The following NTRK3 variants were observed in gnomAD, a reference collection of about 807,000 sequenced individuals.
NTRK3 encodes NT-3 growth factor receptor.
NTRK3 carries 24 observed loss-of-function variants against 91.7 expected under a neutral mutation model. The ratio of observed to expected loss-of-function variants is 0.26; its 90% CI spans 0.19 to 0.37. NTRK3 has a LOEUF of 0.37. Ranked by LOEUF, NTRK3 falls within the 10% of genes least tolerant of loss-of-function variation. The probability of loss-of-function intolerance (pLI) is 1.00; values close to 1 mark genes in which losing one functional copy is unlikely to be tolerated. For synonymous variants in NTRK3, 483 were observed against 404.0 expected, an observed-to-expected ratio of 1.20 and a Z score of -2.34; for missense variants, 880 against 1,068.9, an observed-to-expected ratio of 0.82 and a Z score of 2.46.
intron 13 of NTRK3, among the ~76,000 whole-genome samples, chr15:88,044,859 T>C (rs1340423624): frequency 2.6e-5 from 4 of 152,194 alleles, no homozygotes; most frequent in Non-Finnish European, 5.9e-5. Flanking sequence ...ACTTTCCCTT[T>C]TATTAGAAAA....
At chr15:87,925,684 A>T (rs1158650365) in intron 17 of NTRK3, 2 of 189,974 alleles carry the variant, frequency 1.1e-5, no homozygotes, top group African/African-American at 2.3e-5. Flanking sequence ...AAAGTTTTAC[A>T]CAAATCACCC....
chr15:87,972,768 A>T (rs919990492), intron 14 of NTRK3, among the ~76,000 whole-genome samples: 3 of 152,298 alleles, frequency 2.0e-5, no homozygotes, highest in Non-Finnish European at 4.4e-5. Context: ...CAGAGCCCTC[A>T]GCTAAGATTT....
intron 6 of NTRK3, among the ~76,000 whole-genome samples, chr15:88,146,321 G>A (rs1432715854): frequency 6.6e-6 from 1 of 152,164 alleles, no homozygotes; most frequent in Non-Finnish European, 1.5e-5. Context: ...GGGAAAACAA[G>A]TTGAAAGGCC....
intron 13 of NTRK3, among the ~76,000 whole-genome samples, chr15:88,112,070 C>T (rs915859017): frequency 2.0e-5 from 3 of 152,190 alleles, no homozygotes; most frequent in African/African-American, 7.2e-5. Flanking sequence ...CCACGCCCAG[C>T]TAATTTTTTG....
chr15:88,162,929 T>A (rs2044601938), intron 5 of NTRK3, among the ~76,000 whole-genome samples: 1 of 152,176 alleles, frequency 6.6e-6, no homozygotes, highest in African/African-American at 2.4e-5. Context: ...GGTCCAGCAC[T>A]GTGGCCACTC....
At chr15:87,994,413 G>A (rs764361239) in intron 14 of NTRK3, among the ~76,000 whole-genome samples, 20 of 152,070 alleles carry the variant, frequency 1.3e-4, no homozygotes, top group Non-Finnish European at 2.5e-4. Flanking sequence ...AGATACACAC[G>A]CACAGAACAC....
At chr15:88,153,482 T>A (rs2151373550) in intron 5 of NTRK3, among the ~76,000 whole-genome samples, 1 of 152,282 alleles carries the variant, frequency 6.6e-6, no homozygotes, top group Middle Eastern at 3.4e-3. Context: ...CTCAAACTCC[T>A]GACCTCAGGT....
intron 13 of NTRK3, among the ~76,000 whole-genome samples, chr15:88,052,941 C>A (rs2045359834): frequency 6.6e-6 from 1 of 152,152 alleles, no homozygotes; most frequent in South Asian, 2.1e-4. Flanking sequence ...AGCTGTGTAA[C>A]TTTAAATAAG....
chr15:87,902,468 C>T (rs2066512036), intron 17 of NTRK3, among the ~76,000 whole-genome samples: 1 of 152,162 alleles, frequency 6.6e-6, no homozygotes, highest in Non-Finnish European at 1.5e-5. Context: ...GTTAACATCT[C>T]TTTCTCTAAG....
In NTRK3 at chr15:88,062,334, C is replaced by T. The variant is rs79326883; in HGVS notation, c.1397-29289G>A. Among the ~76,000 whole-genome samples the T allele has an allele frequency of 1.4e-3, 215 of 152,338 alleles. 2 individuals are homozygous for T. In the East Asian group the frequency reaches 0.03, roughly 21 times the overall value. Reference sequence around the variant, plus strand: ...GATAACAGTTTCTGGCATTGACTAGCAGGTGCCTCCTACCCCTTTCCCATT... The same window carrying T: ...GATAACAGTTTCTGGCATTGACTAGTAGGTGCCTCCTACCCCTTTCCCATT... On this transcript the variant is annotated intron_variant, in intron 13 of 18. Transcript: ENST00000394480.
At chr15:87,881,410 T>TTTAA (rs140995087) in intron 17 of NTRK3, among the ~76,000 whole-genome samples, 1 of 139,784 alleles carries the variant, frequency 7.2e-6, no homozygotes, top group East Asian at 1.9e-4. Flanking sequence ...TTCTTTCTTA[T>TTTAA]TTATTTATTT....
intron 15 of NTRK3, 87 bp downstream of exon 15, chr15:87,940,536 T>G (rs1046815805): frequency 2.3e-5 from 36 of 1,591,234 alleles, no homozygotes; most frequent in Non-Finnish European, 2.8e-5. Flanking sequence ...TTGAGCACTA[T>G]CTTCTCAAAT....
chr15:88,184,434 T>C, intron 3 of NTRK3, 135 bp from the exon 4 acceptor site: 1 of 850,244 alleles, frequency 1.2e-6, no homozygotes, highest in Non-Finnish European at 1.9e-6. Context: ...ACCAAATAAA[T>C]CTGAGCCTCA....
chr15:87,986,383 C>G (rs1157942678), intron 14 of NTRK3, among the ~76,000 whole-genome samples: 1 of 152,220 alleles, frequency 6.6e-6, no homozygotes, highest in Admixed American at 6.5e-5. Context: ...TAATCCATTA[C>G]TGCAATGGCT....
At chr15:88,245,879 G>A (rs2052771683) in intron 3 of NTRK3, among the ~76,000 whole-genome samples, 1 of 152,186 alleles carries the variant, frequency 6.6e-6, no homozygotes, top group Admixed American at 6.5e-5. Flanking sequence ...AATTAGGGTT[G>A]TATATGTAAA....
intron 10 of NTRK3, among the ~76,000 whole-genome samples, chr15:88,131,682 T>C (rs545880237): frequency 2.0e-5 from 3 of 152,374 alleles, no homozygotes; most frequent in South Asian, 2.1e-4. Context: ...TATTCTCACG[T>C]TAGCCAAATG....
At chr15:88,118,821 C>T (rs149414604) in intron 13 of NTRK3, among the ~76,000 whole-genome samples, 64 of 152,248 alleles carry the variant, frequency 4.2e-4, no homozygotes, top group African/African-American at 1.3e-3. Context: ...TAAGGTATCG[C>T]GGGGCTGTTA....
Position 88,033,057 on chromosome 15 carries a change from AAG to A in NTRK3, c.1397-14_1397-13del, listed in dbSNP as rs781485065. 7 of 1,564,814 alleles carry A rather than the reference AAG, an allele frequency of 4.5e-6. No homozygotes were observed. In the African/African-American group the frequency reaches 8.1e-5, roughly 18 times the overall value. On this transcript the variant is annotated splice_polypyrimidine_tract_variant and intron_variant, in intron 13 of 18. Transcript: ENST00000394480. ...GACAGCCACGGGACCTGCACACACC[AAG>A]AGAGACGCAGGACCTGGTGACGTCA...
chr15:87,926,397 T>A lies in NTRK3; in HGVS notation c.2133+2794A>T, dbSNP rs1056021306. ...GTGTGCTGTGTATTTACTGTAAGAG[T>A]TATCCTTTTTTGTTCAAACTTCCTT... On this transcript the variant is annotated intron_variant, in intron 17 of 18. Transcript: ENST00000394480. Among the ~76,000 whole-genome samples, 9 of 152,262 alleles carry A rather than the reference T, an allele frequency of 5.9e-5. No homozygotes were observed. In the East Asian group the frequency reaches 1.5e-3, roughly 26 times the overall value.
Sources: allele counts gnomAD v4.1 joint callset (sites outside exome capture counted in the v4.1 genomes callset), GRCh38; gene constraint gnomAD v4.1.1; transcripts MANE v1.5; gene names NCBI Gene and HGNC (gene_info 2026-07-23, HGNC 2026-07-21).